POU2F1: variants seen among roughly 807,000 people sequenced by gnomAD.
POU2F1 encodes the protein POU domain, class 2, transcription factor 1.
Under a neutral mutation model 84.9 loss-of-function variants are expected in POU2F1, and 16 were observed. The ratio of observed to expected loss-of-function variants is 0.19; its 90% CI spans 0.13 to 0.29. The LOEUF is 0.29. POU2F1 is among the 10% of genes least tolerant of loss of function. The pLI, the probability that POU2F1 is intolerant of heterozygous loss-of-function variation, is 1.00. For missense variants in POU2F1, 738 were observed against 942.6 expected (o/e 0.78, Z 2.84); for synonymous variants, 368 against 368.3 (o/e 1.00, Z 0.01).
chr1:167,254,520 T>G (rs997757338), intron 1 of POU2F1, among the ~76,000 whole-genome samples: 1 of 152,244 alleles, frequency 6.6e-6, no homozygotes, highest in Non-Finnish European at 1.5e-5. Context: ...CACATGTATC[T>G]TAATTCTTAC....
chr1:167,224,503 A>G (rs1648474974), intron 1 of POU2F1, among the ~76,000 whole-genome samples: 1 of 152,204 alleles, frequency 6.6e-6, no homozygotes. Flanking sequence ...AGTCTGGACA[A>G]GTTTGTTCAT....
chr1:167,357,356 G>GCCCCCCC (rs1659013486), intron 2 of POU2F1: 1 of 14,710 alleles, frequency 6.8e-5, no homozygotes. Flanking sequence ...CCTCCCCCAC[G>GCCCCCCC]CCTCCCCCCC....
intron 1 of POU2F1, among the ~76,000 whole-genome samples, chr1:167,280,559 G>T (rs1231571587): frequency 3.3e-5 from 5 of 152,070 alleles, no homozygotes; most frequent in Admixed American, 2.6e-4. Context: ...CCTTTAAAAC[G>T]ATAGGCAACA....
intron 1 of POU2F1, among the ~76,000 whole-genome samples, chr1:167,311,141 T>G (rs1391967995): frequency 6.6e-6 from 1 of 151,990 alleles, no homozygotes; most frequent in African/African-American, 2.4e-5. Flanking sequence ...CTGAGCAAAT[T>G]TCAAACAGAA....
intron 1 of POU2F1, among the ~76,000 whole-genome samples, chr1:167,269,856 G>A (rs985264853): frequency 6.6e-6 from 1 of 150,960 alleles, no homozygotes; most frequent in African/African-American, 2.4e-5. Context: ...AGAGGTTGCA[G>A]TGAGCCGAGA....
At chr1:167,399,757 T>C (rs1649061467) in intron 12 of POU2F1, among the ~76,000 whole-genome samples, 2 of 152,002 alleles carry the variant, frequency 1.3e-5, no homozygotes, top group African/African-American at 4.8e-5. Context: ...CACTGCAACC[T>C]CCGCCTCCTG....
intron 2 of POU2F1, among the ~76,000 whole-genome samples, chr1:167,357,820 T>A (rs1659064472): frequency 6.7e-6 from 1 of 148,920 alleles, no homozygotes. Context: ...TTTTTTTTTT[T>A]TTGAGACAGA....
chr1:167,310,171 C>T (rs1300401715), intron 1 of POU2F1, among the ~76,000 whole-genome samples: 1 of 151,918 alleles, frequency 6.6e-6, no homozygotes, highest in Non-Finnish European at 1.5e-5. Context: ...GAATATTTAA[C>T]TCCTGGACTG....
intron 1 of POU2F1, among the ~76,000 whole-genome samples, chr1:167,285,961 G>A (rs1653500037): frequency 6.6e-6 from 1 of 152,156 alleles, no homozygotes; most frequent in Admixed American, 6.5e-5. Flanking sequence ...TTGGGCAGTT[G>A]CAGAAAATCA....
intron 1 of POU2F1, among the ~76,000 whole-genome samples, chr1:167,288,284 A>G (rs1274635287): frequency 6.6e-6 from 1 of 152,216 alleles, no homozygotes; most frequent in Non-Finnish European, 1.5e-5. Context: ...TTCCTGAAAT[A>G]ACGTGTTTTC....
rs1472259504 is a variant in POU2F1 at position 167,426,113 on chromosome 1, A to G, written c.*10303A>G. 2 of 152,166 alleles carry G rather than the reference A, an allele frequency of 1.3e-5. No homozygotes were observed. The highest frequency in any genetic ancestry group is 2.9e-5 in the Non-Finnish European group (2 of 68,022). The allele number at this position is 152,166 out of a possible 1,614,324, so 9.4% of individuals were successfully genotyped here. On this transcript the variant is annotated 3_prime_UTR_variant, in exon 16 of 16. Coordinates refer to ENST00000367866, the MANE Select transcript of POU2F1 (RefSeq NM_002697.4). ...TAATATTAGCCTGATGCAGATACCA[A>G]AGATAATTTCTTTCCTGCAGAACCT...
intron 1 of POU2F1, among the ~76,000 whole-genome samples, chr1:167,315,569 A>T (rs1356545160): frequency 6.7e-6 from 1 of 150,252 alleles, no homozygotes; most frequent in Admixed American, 6.6e-5. Flanking sequence ...CTTGACCAGG[A>T]GTTCAAGACC....
At chr1:167,303,142 G>GT (rs548782077) in intron 1 of POU2F1, among the ~76,000 whole-genome samples, 94 of 146,520 alleles carry the variant, frequency 6.4e-4, no homozygotes, top group Middle Eastern at 3.5e-3. Flanking sequence ...TGGAGATCAG[G>GT]TTTTTTTTTT....
chr1:167,246,450 T>C (rs1237809368), intron 1 of POU2F1, among the ~76,000 whole-genome samples: 1 of 152,222 alleles, frequency 6.6e-6, no homozygotes, highest in Non-Finnish European at 1.5e-5. Context: ...TTTCTGTGTG[T>C]TTTACTTTTC....
chr1:167,287,701 C>T (rs1167133984), intron 1 of POU2F1, among the ~76,000 whole-genome samples: 1 of 152,078 alleles, frequency 6.6e-6, no homozygotes, highest in Non-Finnish European at 1.5e-5. Context: ...TGGAGTTACA[C>T]AGAAAGAATA....
chr1:167,408,704 A>T (rs984575565), intron 13 of POU2F1, among the ~76,000 whole-genome samples: 1 of 152,218 alleles, frequency 6.6e-6, no homozygotes, highest in African/African-American at 2.4e-5. Context: ...ACATGATTAC[A>T]AACAGGCACA....
chr1:167,248,666 T>C (rs913822173), intron 1 of POU2F1, among the ~76,000 whole-genome samples: 1 of 152,126 alleles, frequency 6.6e-6, no homozygotes, highest in Admixed American at 6.5e-5. Flanking sequence ...AGGAATTAGG[T>C]TGGGATAAGG....
chr1:167,258,589 G>A (rs1221642840), intron 1 of POU2F1, among the ~76,000 whole-genome samples: 1 of 152,164 alleles, frequency 6.6e-6, no homozygotes, highest in Non-Finnish European at 1.5e-5. Context: ...GTACACAGGA[G>A]GACCTGTGTA....
At chr1:167,298,179 G>A (rs1167953403) in intron 1 of POU2F1, among the ~76,000 whole-genome samples, 1 of 151,922 alleles carries the variant, frequency 6.6e-6, no homozygotes, top group Admixed American at 6.6e-5. Flanking sequence ...GCAAGAACGA[G>A]GAGCCTGTGA....
Sources: allele counts gnomAD v4.1 joint callset (sites outside exome capture counted in the v4.1 genomes callset), GRCh38; gene constraint gnomAD v4.1.1; transcripts MANE v1.5; gene names NCBI Gene and HGNC (gene_info 2026-07-23, HGNC 2026-07-21).